Variants in NTN1 observed in about 807,000 individuals in gnomAD.
NTN1 encodes the protein netrin-1.
In NTN1, 11 loss-of-function variants were observed where a neutral mutation model predicts 54.2. That is an observed-to-expected ratio of 0.20 (90% CI 0.13 to 0.34). The LOEUF is 0.34. NTN1 is among the 10% of genes least tolerant of loss of function. The probability of loss-of-function intolerance (pLI) is 1.00; values close to 1 mark genes in which losing one functional copy is unlikely to be tolerated. For missense variants in NTN1, 740 were observed against 893.1 expected, an observed-to-expected ratio of 0.83 and a Z score of 2.18; for synonymous variants, 371 against 382.0, an observed-to-expected ratio of 0.97 and a Z score of 0.33.
intron 3 of NTN1, chr17:9,173,546 G>T (rs1485714348): frequency 9.6e-6 from 1 of 104,242 alleles, no homozygotes; most frequent in African/African-American, 2.8e-5. Flanking sequence ...CCAGGGAGCA[G>T]CCTGGCCCAC....
At chr17:9,227,858 AC>A (rs1260248284) in intron 6 of NTN1, among the ~76,000 whole-genome samples, 1 of 150,008 alleles carries the variant, frequency 6.7e-6, no homozygotes, top group African/African-American at 2.4e-5. Flanking sequence ...ACACATGCAC[AC>A]CCCATCACAC....
At chr17:9,049,944 T>C (rs1436639636) in intron 2 of NTN1, among the ~76,000 whole-genome samples, 1 of 152,190 alleles carries the variant, frequency 6.6e-6, no homozygotes, top group Admixed American at 6.5e-5. Flanking sequence ...AATTATTTCA[T>C]ATTAAAAAAT....
chr17:9,009,941 G>C, the NTN1 span, among the ~76,000 whole-genome samples: 1 of 152,072 alleles, frequency 6.6e-6, no homozygotes. Context: ...TTCCTCACTC[G>C]TAATCTGGGG....
chr17:9,072,281 C>T (rs867201405), intron 2 of NTN1, among the ~76,000 whole-genome samples: 1 of 151,174 alleles, frequency 6.6e-6, no homozygotes, highest in South Asian at 2.1e-4. Context: ...GGGCACCACA[C>T]CCGTGGACTG....
chr17:9,221,103 CCGCCAGCCTATTCAT>C lies in NTN1; in HGVS notation c.1412-54_1412-40del, dbSNP rs1366491542. 7.6e-6 allele frequency: 9 copies of C among 1,188,760 alleles called. No individual in the cohort carries two copies. Among genetic ancestry groups the C allele is most frequent in the Non-Finnish European group, 1.1e-5 (9 of 793,360 alleles). 73.6% of individuals were successfully genotyped at this position (1,188,760 alleles called of 1,614,324 possible). On this transcript the variant is annotated intron_variant, in intron 5 of 6. Coordinates refer to ENST00000173229, the MANE Select transcript of NTN1 (RefSeq NM_004822.3). This position sits in a 1 kb window ranked among gnomAD's most constrained non-coding sequence, Gnocchi z 4.5. ...TTAGGGAGGCGGCCTCCTACTCTGC[CCGCCAGCCTATTCAT>C]CGCCAGCCTAATTAGTTTTTGTCTG...
chr17:9,065,792 A>G (rs2092013308), intron 2 of NTN1, among the ~76,000 whole-genome samples: 1 of 152,224 alleles, frequency 6.6e-6, no homozygotes, highest in Admixed American at 6.5e-5. Flanking sequence ...AGTATGTAGA[A>G]ACTTAATCAC....
At chr17:9,192,680 A>G (rs1282957234) in intron 5 of NTN1, among the ~76,000 whole-genome samples, 1 of 152,208 alleles carries the variant, frequency 6.6e-6, no homozygotes, top group Non-Finnish European at 1.5e-5. Context: ...AAACCCACAC[A>G]TTCTCTCCAA....
At chr17:9,210,318 C>T (rs1004765969) in intron 5 of NTN1, among the ~76,000 whole-genome samples, 14 of 152,030 alleles carry the variant, frequency 9.2e-5, no homozygotes, top group Non-Finnish European at 1.9e-4. Flanking sequence ...TGTCTACAGC[C>T]ACCCTGGCTA....
chr17:9,231,085 A>C lies in NTN1; in HGVS notation c.1487-8555A>C, dbSNP rs182317567. On this transcript the variant is annotated intron_variant, in intron 6 of 6. Coordinates refer to ENST00000173229, the MANE Select transcript of NTN1 (RefSeq NM_004822.3). ...GCCCTGTGTCTCCGTGACCACAGAG[A>C]TCTTCTCCCGACGCAGAGCGCGGGT... Among the ~76,000 whole-genome samples, 11 of 151,964 alleles carry C rather than the reference A, an allele frequency of 7.2e-5. No homozygotes were observed. The East Asian group carries it at 7.7e-4, about 11-fold the overall frequency.
Position 9,221,032 on chromosome 17 carries a change from C to A in NTN1, c.1412-136C>A. 1.4e-6 allele frequency: 1 copy of A among 735,896 alleles called. No homozygotes were observed. Among genetic ancestry groups the A allele is most frequent in the Admixed American group, 2.0e-5 (1 of 50,242 alleles). The allele number at this position is 735,896 out of a possible 1,614,324, so 45.6% of individuals were successfully genotyped here. A position where few individuals can be genotyped will look rare whatever the true frequency, so the allele number is the denominator to read the frequency against. On this transcript the variant is annotated intron_variant, in intron 5 of 6. Transcript: ENST00000173229. This position sits in a 1 kb window ranked among gnomAD's most constrained non-coding sequence, Gnocchi z 4.5. ...AGCGCAGGCCTTTCCTGAATGGCCGCCTGCCCGCCCGGCCTGGCCCATGGG... is the reference window on the plus strand; with the variant it reads ...AGCGCAGGCCTTTCCTGAATGGCCGACTGCCCGCCCGGCCTGGCCCATGGG...
Position 9,239,687 on chromosome 17 carries a change from A to G in NTN1, c.1534A>G (p.Lys512Glu). 1 of 1,613,014 alleles carries G rather than the reference A, an allele frequency of 6.2e-7. No individual in the cohort carries two copies. The highest frequency in any genetic ancestry group is 1.1e-5 in the South Asian group (1 of 91,064). ...GGCGGACAAGGCGGGGGACTGGTGG[A>G]AGTTCACGGTGAACATCATCTCCGT... The part of the protein sequence containing the change: ...LKADKAGDWW[K>E]FTVNIISVYK... The change falls in exon 7 of 7, where the codon AAG becomes GAG. Residue 512 changes from lysine (K) to glutamate (E), a missense_variant. By Grantham distance (56) the Lys-to-Glu change is moderately conservative. Coordinates refer to ENST00000173229, the MANE Select transcript of NTN1 (RefSeq NM_004822.3). The surrounding 1 kb of genome is among the most constrained non-coding windows in gnomAD (Gnocchi z 5.2).
At position 9,239,452 on chromosome 17, in the gene NTN1, T is replaced by G. The variant is rs1004648396; in HGVS notation, c.1487-188T>G. ...ACCCTCACAGCGTGGGAGGCAAGGC[T>G]TCTTGGCCCTGTTGTTAGCAGGTGG... is the stretch of plus-strand genomic sequence containing the variant. On this transcript the variant is annotated intron_variant, in intron 6 of 6. Transcript: ENST00000173229. This position sits in a 1 kb window ranked among gnomAD's most constrained non-coding sequence, Gnocchi z 5.2. Among the ~76,000 whole-genome samples, 2 of 152,140 alleles carry G rather than the reference T, an allele frequency of 1.3e-5. No individual in the cohort carries two copies. The highest frequency in any genetic ancestry group is 2.9e-5 in the Non-Finnish European group (2 of 68,016).
chr17:9,214,711 A>T (rs1199356645), intron 5 of NTN1, among the ~76,000 whole-genome samples: 1 of 152,144 alleles, frequency 6.6e-6, no homozygotes, highest in African/African-American at 2.4e-5. Flanking sequence ...AGTCCCAGCT[A>T]CTCAGGAGGC....
intron 2 of NTN1, among the ~76,000 whole-genome samples, chr17:9,026,403 A>T (rs907280596): frequency 2.1e-5 from 3 of 142,334 alleles, no homozygotes; most frequent in African/African-American, 2.6e-5. Flanking sequence ...GGGGGGGGGA[A>T]CAAACAACCC....
intron 2 of NTN1, among the ~76,000 whole-genome samples, chr17:9,048,576 C>T (rs1025001373): frequency 6.6e-6 from 1 of 152,170 alleles, no homozygotes; most frequent in East Asian, 1.9e-4. Flanking sequence ...GACTTCTCCT[C>T]TGTATCTATG....
chr17:9,145,442 G>A lies in NTN1; in HGVS notation c.1019-17371G>A, dbSNP rs534043232. ...AAACCAACTGAGTCACAGGGTGGAG[G>A]TCTGGGGAGGACTAACCCCCTACCA... On this transcript the variant is annotated intron_variant, in intron 2 of 6. Coordinates refer to ENST00000173229, the MANE Select transcript of NTN1 (RefSeq NM_004822.3). Among the ~76,000 whole-genome samples the A allele has an allele frequency of 3.2e-4, 48 of 152,334 alleles. No homozygotes were observed. The South Asian group carries it at 8.3e-3, about 26-fold the overall frequency.
chr17:9,144,360 G>A (rs1008840215), intron 2 of NTN1, among the ~76,000 whole-genome samples: 1 of 152,062 alleles, frequency 6.6e-6, no homozygotes, highest in African/African-American at 2.4e-5. Flanking sequence ...GTCAGCCACT[G>A]TTGACAGCTG....
intron 5 of NTN1, among the ~76,000 whole-genome samples, chr17:9,193,437 G>A (rs1169155463): frequency 6.6e-6 from 1 of 152,148 alleles, no homozygotes; most frequent in African/African-American, 2.4e-5. Context: ...AAGTTTAGAC[G>A]TTATGACATT....
At chr17:9,207,985 G>A (rs1276626837) in intron 5 of NTN1, among the ~76,000 whole-genome samples, 1 of 152,202 alleles carries the variant, frequency 6.6e-6, no homozygotes, top group Non-Finnish European at 1.5e-5. Context: ...TGTAATCCCG[G>A]CACTTTGGGA....
Sources: gnomAD v4.1 joint callset for allele counts (sites outside exome capture counted in the v4.1 genomes callset) on GRCh38, gnomAD v4.1.1 for gene constraint, Gnocchi (gnomAD v3.1) non-coding constraint, MANE v1.5 for transcripts, NCBI Gene and HGNC (gene_info 2026-07-23, HGNC 2026-07-21) for gene names.